ATXN1: variants seen among roughly 807,000 people sequenced by gnomAD.
ATXN1 encodes the protein ataxin 1.
ATXN1 carries 8 observed loss-of-function variants against 56.4 expected under a neutral mutation model. That is an observed-to-expected ratio of 0.14 (90% CI 0.08 to 0.26). ATXN1 has a LOEUF of 0.26. Ranked by LOEUF, ATXN1 falls within the 10% of genes least tolerant of loss-of-function variation. ATXN1 has a pLI of 1.00. For synonymous variants in ATXN1, 514 were observed against 494.6 expected, an observed-to-expected ratio of 1.04 and a Z score of -0.52; for missense variants, 987 against 1,106.5, an observed-to-expected ratio of 0.89 and a Z score of 1.53.
At chr6:16,425,764 G>A (rs1440326789) in intron 6 of ATXN1, among the ~76,000 whole-genome samples, 6 of 151,998 alleles carry the variant, frequency 3.9e-5, no homozygotes, top group Admixed American at 6.6e-5. Flanking sequence ...CCTGAAACAC[G>A]GCTCAGGGCT....
intron 3 of ATXN1, among the ~76,000 whole-genome samples, chr6:16,598,030 G>A (rs1042287292): frequency 2.0e-5 from 3 of 152,096 alleles, no homozygotes; most frequent in East Asian, 1.9e-4. Context: ...ATAAACTGGT[G>A]AGGTGATGAA....
intron 2 of ATXN1, among the ~76,000 whole-genome samples, chr6:16,749,740 C>A (rs2113528618): frequency 6.6e-6 from 1 of 152,358 alleles, no homozygotes; most frequent in East Asian, 1.9e-4. Context: ...ACATTCTACA[C>A]CAGCTGACGT....
At chr6:16,732,449 T>C (rs1201153637) in intron 2 of ATXN1, among the ~76,000 whole-genome samples, 1 of 152,076 alleles carries the variant, frequency 6.6e-6, no homozygotes, top group Non-Finnish European at 1.5e-5. Context: ...TGGGTGCCTG[T>C]AATTCCAGCT....
intron 2 of ATXN1, among the ~76,000 whole-genome samples, chr6:16,709,693 C>A (rs1158262560): frequency 6.6e-6 from 1 of 152,068 alleles, no homozygotes; most frequent in Non-Finnish European, 1.5e-5. Flanking sequence ...AACAGGAGGA[C>A]TCCACGAATA....
At chr6:16,464,570 C>G (rs756832262) in intron 6 of ATXN1, among the ~76,000 whole-genome samples, 13 of 152,134 alleles carry the variant, frequency 8.5e-5, no homozygotes, top group Non-Finnish European at 1.6e-4. Context: ...TCCGCAGCTC[C>G]ATTCTTGAAG....
intron 6 of ATXN1, among the ~76,000 whole-genome samples, chr6:16,440,895 C>T (rs1039721551): frequency 2.6e-5 from 4 of 151,994 alleles, no homozygotes; most frequent in African/African-American, 7.3e-5. Flanking sequence ...TGGGTGTGGC[C>T]GAACCATTTA....
At chr6:16,366,835 C>T (rs1168737898) in intron 6 of ATXN1, among the ~76,000 whole-genome samples, 1 of 151,006 alleles carries the variant, frequency 6.6e-6, no homozygotes, top group Non-Finnish European at 1.5e-5. Flanking sequence ...AATCAACCCA[C>T]ATGTTACATG....
At chr6:16,427,065 TG>T (rs1327548475) in intron 6 of ATXN1, among the ~76,000 whole-genome samples, 3 of 152,180 alleles carry the variant, frequency 2.0e-5, no homozygotes, top group African/African-American at 7.2e-5. Context: ...TCTTTGTGGA[TG>T]GACACGGTCT....
At chr6:16,589,256 C>G (rs1261352429) in intron 3 of ATXN1, among the ~76,000 whole-genome samples, 3 of 152,014 alleles carry the variant, frequency 2.0e-5, no homozygotes, top group Non-Finnish European at 2.9e-5. Flanking sequence ...GTTCCTTAAC[C>G]AAGTCCATCT....
At chr6:16,740,338 C>T (rs1760294452) in intron 2 of ATXN1, among the ~76,000 whole-genome samples, 1 of 152,142 alleles carries the variant, frequency 6.6e-6, no homozygotes, top group African/African-American at 2.4e-5. Context: ...GCACCAGCTC[C>T]TTCTTGCCTA....
chr6:16,448,984 A>C (rs1465423609), intron 6 of ATXN1, among the ~76,000 whole-genome samples: 1 of 152,156 alleles, frequency 6.6e-6, no homozygotes, highest in Non-Finnish European at 1.5e-5. Context: ...ATTCTTAGTT[A>C]CCCCGTTAAT....
intron 3 of ATXN1, among the ~76,000 whole-genome samples, chr6:16,626,434 G>C (rs1375220219): frequency 6.6e-6 from 1 of 152,058 alleles, no homozygotes; most frequent in Non-Finnish European, 1.5e-5. Flanking sequence ...TGGGATTACA[G>C]GCACGCACCA....
At chr6:16,606,552 A>C (rs2113785849) in intron 3 of ATXN1, among the ~76,000 whole-genome samples, 1 of 149,620 alleles carries the variant, frequency 6.7e-6, no homozygotes, top group East Asian at 2.0e-4. Context: ...TTTTTGAGAC[A>C]CAGTCTTGCT....
intron 7 of ATXN1, among the ~76,000 whole-genome samples, chr6:16,317,535 G>A (rs1295264452): frequency 6.6e-6 from 1 of 152,138 alleles, no homozygotes; most frequent in African/African-American, 2.4e-5. Context: ...ATGTTAGTCA[G>A]GCTGGTCTTG....
intron 2 of ATXN1, among the ~76,000 whole-genome samples, chr6:16,687,657 T>TACACACACACACACACACACACAC (rs57034032): frequency 2.7e-4 from 39 of 143,392 alleles, no homozygotes; most frequent in African/African-American, 1.0e-3. Flanking sequence ...AAAGAAGAAA[T>TACACACACACACACACACACACAC]ACACACACAC....
Position 16,301,254 on chromosome 6 carries a change from C to T in ATXN1, c.*5075G>A, listed in dbSNP as rs1300340271. On this transcript the variant is annotated 3_prime_UTR_variant, in exon 8 of 8. Transcript: ENST00000436367. ...CAAAATTTTGTTTTCTTCAGCTTCTCAAATCAGGTGTACATTTAAAAAAAA... is the reference window on the plus strand; with the variant it reads ...CAAAATTTTGTTTTCTTCAGCTTCTTAAATCAGGTGTACATTTAAAAAAAA... 6.6e-6 allele frequency: 1 copy of T among 152,480 alleles called. No individual in the cohort carries two copies. The allele number at this position is 152,480 out of a possible 1,614,324, so 9.4% of individuals were successfully genotyped here. A position where few individuals can be genotyped will look rare whatever the true frequency, so the allele number is the denominator to read the frequency against.
intron 6 of ATXN1, among the ~76,000 whole-genome samples, chr6:16,470,758 C>G (rs1445354816): frequency 6.6e-6 from 1 of 152,006 alleles, no homozygotes; most frequent in Non-Finnish European, 1.5e-5. Flanking sequence ...TTTGGGAGGT[C>G]AAGACAGGAG....
chr6:16,407,646 A>G (rs1758712390), intron 6 of ATXN1, among the ~76,000 whole-genome samples: 1 of 152,204 alleles, frequency 6.6e-6, no homozygotes, highest in South Asian at 2.1e-4. Context: ...ACAGTTGTGG[A>G]GTTAGGCTAG....
At chr6:16,570,662 G>C (rs1386483497) in intron 4 of ATXN1, among the ~76,000 whole-genome samples, 3 of 152,134 alleles carry the variant, frequency 2.0e-5, no homozygotes, top group Non-Finnish European at 2.9e-5. Flanking sequence ...TGGAAGAGGG[G>C]AGAAGAGACT....
Sources: allele counts gnomAD v4.1 joint callset (sites outside exome capture counted in the v4.1 genomes callset), GRCh38; gene constraint gnomAD v4.1.1; transcripts MANE v1.5; gene names NCBI Gene and HGNC (gene_info 2026-07-23, HGNC 2026-07-21).